The following PLEKHA1 variants were observed in gnomAD, a reference collection of about 807,000 sequenced individuals.
The protein encoded by PLEKHA1 is pleckstrin homology domain containing A1.
PLEKHA1 carries 34 observed loss-of-function variants against 52.0 expected under a neutral mutation model. The observed-to-expected ratio is 0.65, with a 90% CI of 0.50 to 0.87. PLEKHA1 has a LOEUF of 0.87. Among genes scored for constraint, PLEKHA1 ranks in the 40% least tolerant of loss-of-function variants. The probability of loss-of-function intolerance (pLI) is 0.00; values close to 1 mark genes in which losing one functional copy is unlikely to be tolerated. For synonymous variants in PLEKHA1, 163 were observed against 170.7 expected (o/e 0.95, Z 0.35); for missense variants, 497 against 504.2 (o/e 0.99, Z 0.14).
chr10:122,384,625 AAAT>A (rs1460926912), intron 1 of PLEKHA1, among the ~76,000 whole-genome samples: 3 of 150,236 alleles, frequency 2.0e-5, no homozygotes, highest in Admixed American at 2.0e-4. Flanking sequence ...AAAAAAAAAA[AAAT>A]GACTTGTAGT....
intron 5 of PLEKHA1, 187 bp from the exon 6 acceptor site, chr10:122,412,733 A>T: frequency 1.7e-6 from 1 of 601,698 alleles, no homozygotes; most frequent in Non-Finnish European, 2.8e-6. Context: ...CGTGATAGCT[A>T]TATTATAAAA....
At chr10:122,426,645 TAAG>T (rs1363999220) in intron 10 of PLEKHA1, among the ~76,000 whole-genome samples, 1 of 152,172 alleles carries the variant, frequency 6.6e-6, no homozygotes, top group Non-Finnish European at 1.5e-5. Context: ...TAGAGTGAAA[TAAG>T]AAGGGTTTTT....
In PLEKHA1 at chr10:122,424,181, T is replaced by TTTG; in HGVS notation, c.682-16_682-15insGTT. On this transcript the variant is annotated splice_polypyrimidine_tract_variant and intron_variant, in intron 8 of 11. Coordinates refer to ENST00000368990, the MANE Select transcript of PLEKHA1 (RefSeq NM_001001974.4). ...AAACATCATGTAACTGTTTTTTTTT[T>TTTG]TTTTTTTTTTTTGCCAGGAAAAGGA... 6.8e-7 allele frequency: 1 copy of TTTG among 1,466,088 alleles called. No individual in the cohort carries two copies. Among genetic ancestry groups the TTTG allele is most frequent in the East Asian group, 2.4e-5 (1 of 41,020 alleles). The allele number at this position is 1,466,088 out of a possible 1,614,324, so 90.8% of individuals were successfully genotyped here. A position where few individuals can be genotyped will look rare whatever the true frequency, so the allele number is the denominator to read the frequency against.
At chr10:122,404,084 A>T (rs1413315445) in intron 4 of PLEKHA1, among the ~76,000 whole-genome samples, 1 of 152,188 alleles carries the variant, frequency 6.6e-6, no homozygotes, top group Non-Finnish European at 1.5e-5. Context: ...TAGTTTCTTT[A>T]CATATATGAT....
In PLEKHA1 at chr10:122,429,799, A is replaced by G; in HGVS notation, c.1076A>G (p.Gln359Arg). 3.7e-6 allele frequency: 6 copies of G among 1,614,216 alleles called. No individual in the cohort carries two copies. The highest frequency in any genetic ancestry group is 4.2e-6 in the Non-Finnish European group (5 of 1,180,032). Residue 359 changes from glutamine (Q) to arginine (R), a missense_variant, in exon 12 of 12, where the codon CAG becomes CGG. Coordinates refer to ENST00000368990, the MANE Select transcript of PLEKHA1 (RefSeq NM_001001974.4). ...AKVKPGNFKV[Q>R]TVSPREPASK... Reference sequence around the variant, plus strand: ...GTCAAGCCAGGGAACTTCAAGGTCCAGACTGTCTCTCCAAGAGAACCAGCT... The same window carrying G: ...GTCAAGCCAGGGAACTTCAAGGTCCGGACTGTCTCTCCAAGAGAACCAGCT...
chr10:122,434,254 T>A (rs895351843), downstream of PLEKHA1: 10 of 152,214 alleles, frequency 6.6e-5, no homozygotes, highest in African/African-American at 2.4e-4. Context: ...CCTGGACACA[T>A]TTTGTCCATT....
chr10:122,389,609 CTGAGGCAGGA>C (rs1323827876), intron 1 of PLEKHA1, among the ~76,000 whole-genome samples: 2 of 152,186 alleles, frequency 1.3e-5, no homozygotes, highest in African/African-American at 4.8e-5. Flanking sequence ...CTGAGGCAGG[CTGAGGCAGGA>C]GAATTGCTTG....
At chr10:122,397,636 T>A (rs1428356267) in intron 2 of PLEKHA1, among the ~76,000 whole-genome samples, 1 of 152,124 alleles carries the variant, frequency 6.6e-6, no homozygotes, top group African/African-American at 2.4e-5. Flanking sequence ...TGTTCATGGC[T>A]TTTTAAGCTC....
chr10:122,410,706 A>T (rs1445344896), intron 5 of PLEKHA1, among the ~76,000 whole-genome samples: 1 of 152,226 alleles, frequency 6.6e-6, no homozygotes, highest in African/African-American at 2.4e-5. Flanking sequence ...ATAAGCAAGG[A>T]CTTTTAATAT....
downstream of PLEKHA1, chr10:122,434,723 C>T (rs1431224957): frequency 2.6e-5 from 3 of 117,024 alleles, no homozygotes; most frequent in Non-Finnish European, 5.2e-5. Flanking sequence ...CCCCCCTCCC[C>T]CCACCCCCCA....
At chr10:122,413,890 A>T (rs1483357708) in intron 6 of PLEKHA1, among the ~76,000 whole-genome samples, 2 of 152,116 alleles carry the variant, frequency 1.3e-5, no homozygotes, top group Non-Finnish European at 2.9e-5. Context: ...CACTTTATAA[A>T]TCTTTTAAAT....
intron 9 of PLEKHA1, 115 bp downstream of exon 9, chr10:122,424,378 A>G: frequency 8.3e-7 from 1 of 1,199,346 alleles, no homozygotes; most frequent in South Asian, 2.0e-5. Context: ...AGTTATTTTT[A>G]ACTCTTTATA....
At chr10:122,402,041 A>C (rs542986440) in intron 4 of PLEKHA1, among the ~76,000 whole-genome samples, 28 of 152,208 alleles carry the variant, frequency 1.8e-4, no homozygotes, top group Non-Finnish European at 4.0e-4. Context: ...GAAACAGGAA[A>C]ATGCCTCAGA....
At chr10:122,380,668 A>T (rs2096602279) in intron 1 of PLEKHA1, among the ~76,000 whole-genome samples, 1 of 152,034 alleles carries the variant, frequency 6.6e-6, no homozygotes. Context: ...GTGAGATGGG[A>T]TCCCATTGAA....
At position 122,432,099 on chromosome 10, in the gene PLEKHA1, A is replaced by G. The variant is rs569934437; in HGVS notation, c.*2161A>G. On this transcript the variant is annotated 3_prime_UTR_variant, in exon 12 of 12. Coordinates refer to ENST00000368990, the MANE Select transcript of PLEKHA1 (RefSeq NM_001001974.4). ...TCCTAATATTTATCTCAATTCTTTT[A>G]TAAGTCTATGGAAATTATTTAATTA... is the stretch of plus-strand genomic sequence containing the variant. The G allele has an allele frequency of 6.6e-6, 1 of 152,324 alleles. No homozygotes were observed. The highest frequency in any genetic ancestry group is 2.1e-4 in the South Asian group (1 of 4,830). The allele number at this position is 152,324 out of a possible 1,614,324, so 9.4% of individuals were successfully genotyped here. A position where few individuals can be genotyped will look rare whatever the true frequency, so the allele number is the denominator to read the frequency against.
rs200256740 is a variant in PLEKHA1, at chr10:122,415,911, G to A, written c.521G>A (p.Arg174Gln). The A allele has an allele frequency of 2.9e-5, 46 of 1,613,006 alleles. 1 individual carries two copies. The highest frequency in any genetic ancestry group is 4.5e-5 in the East Asian group (2 of 44,820). The change falls in exon 7 of 12, where the codon CGG becomes CAG. Residue 174 changes from arginine to glutamine, a missense_variant. Physicochemically the swap from Arg to Gln is conservative, Grantham distance 43. Coordinates refer to ENST00000368990, the MANE Select transcript of PLEKHA1 (RefSeq NM_001001974.4). The part of the protein sequence containing the change: ...GESIDRNNLK[R>Q]SQSHLPYFTP... ...AGTATTGACAGAAATAATCTGAAACGGTCACAAAGCCATCTTCCTTACTTT... is the reference window on the plus strand; with the variant it reads ...AGTATTGACAGAAATAATCTGAAACAGTCACAAAGCCATCTTCCTTACTTT...
intron 5 of PLEKHA1, among the ~76,000 whole-genome samples, chr10:122,407,189 A>G (rs931677992): frequency 1.1e-4 from 16 of 152,272 alleles, no homozygotes; most frequent in African/African-American, 3.1e-4. Context: ...GGTCCTGTCC[A>G]TGTGACCCTT....
intron 1 of PLEKHA1, among the ~76,000 whole-genome samples, chr10:122,390,803 G>T (rs1227881689): frequency 7.2e-6 from 1 of 139,454 alleles, no homozygotes; most frequent in Non-Finnish European, 1.6e-5. Flanking sequence ...AACGAGGTGT[G>T]TGTGTACCTA....
chr10:122,394,601 A>G (rs1027316396), intron 2 of PLEKHA1, among the ~76,000 whole-genome samples: 8 of 152,182 alleles, frequency 5.3e-5, no homozygotes, highest in South Asian at 2.1e-4. Context: ...AGGTCTGCTG[A>G]TAAGTAGTCT....
Sources: allele counts gnomAD v4.1 joint callset (sites outside exome capture counted in the v4.1 genomes callset), GRCh38; gene constraint gnomAD v4.1.1; transcripts MANE v1.5; gene names NCBI Gene and HGNC (gene_info 2026-07-23, HGNC 2026-07-21).